The following FAM107B variants were observed in gnomAD, a reference collection of about 807,000 sequenced individuals.
FAM107B encodes the protein protein FAM107B.
FAM107B carries 21 observed loss-of-function variants against 31.5 expected under a neutral mutation model. The observed-to-expected ratio is 0.67, with a 90% CI of 0.47 to 0.96. FAM107B has a LOEUF of 0.96. Ranked by LOEUF, FAM107B falls within the 40% of genes least tolerant of loss-of-function variation. The probability of loss-of-function intolerance (pLI) is 0.00; values close to 1 mark genes in which losing one functional copy is unlikely to be tolerated. For missense variants in FAM107B, 452 were observed against 377.1 expected, an observed-to-expected ratio of 1.20 and a Z score of -1.64; for synonymous variants, 157 against 141.5, an observed-to-expected ratio of 1.11 and a Z score of -0.78.
chr10:14,710,413 T>A (rs1855615420), intron 1 of FAM107B, among the ~76,000 whole-genome samples: 1 of 149,920 alleles, frequency 6.7e-6, no homozygotes, highest in African/African-American at 2.5e-5. Context: ...TACATATTTT[T>A]TTGCCTGTCT....
At chr10:14,717,589 A>G (rs553994664) in intron 1 of FAM107B, among the ~76,000 whole-genome samples, 11 of 152,274 alleles carry the variant, frequency 7.2e-5, no homozygotes, top group African/African-American at 2.6e-4. Context: ...GCCCAGGAAA[A>G]GAGAGAGAGT....
chr10:14,625,568 T>C (rs1030794143), intron 2 of FAM107B, among the ~76,000 whole-genome samples: 3 of 152,074 alleles, frequency 2.0e-5, no homozygotes, highest in Non-Finnish European at 2.9e-5. Context: ...CTGGCAGCTG[T>C]GACATGGTGT....
At chr10:14,629,521 A>ATATATATTT (rs1172189422) in intron 2 of FAM107B, among the ~76,000 whole-genome samples, 3 of 97,816 alleles carry the variant, frequency 3.1e-5, no homozygotes, top group Admixed American at 1.4e-4. Context: ...ATATATATAT[A>ATATATATTT]TTTTTTTTTG....
intron 2 of FAM107B, among the ~76,000 whole-genome samples, chr10:14,611,484 TTATATATA>T (rs3035276): frequency 0.075 from 9,244 of 123,992 alleles, 364 homozygotes; most frequent in Middle Eastern, 0.1. Flanking sequence ...AATGCCAGTT[TTATATATA>T]TATATATATA....
chr10:14,762,803 A>ACACAC (rs1564293334), intron 1 of FAM107B, among the ~76,000 whole-genome samples: 1 of 143,806 alleles, frequency 7.0e-6, no homozygotes, highest in Non-Finnish European at 1.5e-5. Context: ...CACACACACA[A>ACACAC]AAAGAACATG....
At chr10:14,629,318 T>TA (rs1295940644) in intron 2 of FAM107B, among the ~76,000 whole-genome samples, 5 of 79,856 alleles carry the variant, frequency 6.3e-5, no homozygotes, top group Non-Finnish European at 1.0e-4. Context: ...ATATATATAA[T>TA]ATATAAATTA....
rs1357466810 is a variant in FAM107B, at chr10:14,579,575, A to C, written c.470-49060T>G. Reference sequence around the variant, plus strand: ...AAGCAAAGAAATGGAAATTCTACTTAAGCAAATCCAGAAATTTCTGTTAGT... The same window carrying C: ...AAGCAAAGAAATGGAAATTCTACTTCAGCAAATCCAGAAATTTCTGTTAGT... On this transcript the variant is annotated intron_variant, in intron 2 of 4. Transcript: ENST00000181796. 5.3e-5 allele frequency among the ~76,000 whole-genome samples: 8 copies of C among 152,366 alleles called. No individual in the cohort carries two copies. In the East Asian group the frequency reaches 5.8e-4, roughly 11 times the overall value.
At chr10:14,753,900 A>G (rs915471580) in intron 1 of FAM107B, among the ~76,000 whole-genome samples, 6 of 151,742 alleles carry the variant, frequency 4.0e-5, no homozygotes, top group African/African-American at 7.3e-5. Context: ...CTTGAATCCA[A>G]CTAACCAATT....
intron 2 of FAM107B, among the ~76,000 whole-genome samples, chr10:14,659,790 T>C (rs1854181135): frequency 6.6e-6 from 1 of 152,222 alleles, no homozygotes; most frequent in Non-Finnish European, 1.5e-5. Context: ...CAAGGAGATC[T>C]GAACTCCAAG....
At chr10:14,683,592 C>A (rs1854899682) in intron 1 of FAM107B, among the ~76,000 whole-genome samples, 2 of 152,142 alleles carry the variant, frequency 1.3e-5, no homozygotes, top group Non-Finnish European at 2.9e-5. Context: ...TATCAAACTA[C>A]TGGAAGATAG....
chr10:14,558,037 G>T (rs1319715953), intron 2 of FAM107B, among the ~76,000 whole-genome samples: 1 of 152,178 alleles, frequency 6.6e-6, no homozygotes, highest in Non-Finnish European at 1.5e-5. Flanking sequence ...GCTCCTCCCC[G>T]TGAGTCCAGG....
intron 1 of FAM107B, among the ~76,000 whole-genome samples, chr10:14,725,914 C>T (rs1041892949): frequency 6.8e-6 from 1 of 147,588 alleles, no homozygotes; most frequent in Non-Finnish European, 1.5e-5. Flanking sequence ...CAACCTTCAC[C>T]TCCCAGGTTC....
chr10:14,591,440 T>C (rs532591789), intron 2 of FAM107B, among the ~76,000 whole-genome samples: 1 of 152,248 alleles, frequency 6.6e-6, no homozygotes, highest in Non-Finnish European at 1.5e-5. Flanking sequence ...AGCCAATCTT[T>C]GCTTTTTTCT....
chr10:14,686,727 T>C (rs7922278), intron 1 of FAM107B, among the ~76,000 whole-genome samples: 2,182 of 152,308 alleles, frequency 0.014, 55 homozygotes, highest in African/African-American at 0.049. Context: ...CAAAGCACTA[T>C]GCACAAGGTG....
At chr10:14,752,267 C>T (rs145388966) in intron 1 of FAM107B, among the ~76,000 whole-genome samples, 1 of 152,184 alleles carries the variant, frequency 6.6e-6, no homozygotes, top group African/African-American at 2.4e-5. Flanking sequence ...AGGGCTTCTC[C>T]CCTTTTGCCC....
At chr10:14,749,059 T>C (rs1189124494) in intron 1 of FAM107B, among the ~76,000 whole-genome samples, 2 of 152,210 alleles carry the variant, frequency 1.3e-5, no homozygotes, top group African/African-American at 4.8e-5. Flanking sequence ...ATGCTTCTCG[T>C]AGAGCCCAAG....
intron 2 of FAM107B, among the ~76,000 whole-genome samples, chr10:14,575,339 G>A (rs1206684870): frequency 6.6e-6 from 1 of 151,990 alleles, no homozygotes; most frequent in Non-Finnish European, 1.5e-5. Context: ...GAGTAACTAG[G>A]ATTACAAGAG....
At chr10:14,684,975 T>C (rs1253740908) in intron 1 of FAM107B, among the ~76,000 whole-genome samples, 3 of 151,730 alleles carry the variant, frequency 2.0e-5, no homozygotes, top group Non-Finnish European at 4.4e-5. Flanking sequence ...CGTGCACTAC[T>C]ATGCCTGGCT....
At chr10:14,602,279 C>T (rs1852424636) in intron 2 of FAM107B, among the ~76,000 whole-genome samples, 2 of 152,228 alleles carry the variant, frequency 1.3e-5, no homozygotes, top group African/African-American at 4.8e-5. Context: ...ACAGCCACAA[C>T]TTCCTTCTTG....
Sources: gnomAD v4.1 joint callset for allele counts (sites outside exome capture counted in the v4.1 genomes callset) on GRCh38, gnomAD v4.1.1 for gene constraint, MANE v1.5 for transcripts, NCBI Gene and HGNC (gene_info 2026-07-23, HGNC 2026-07-21) for gene names.